VWA5A: variants seen among roughly 807,000 people sequenced by gnomAD.
The protein encoded by VWA5A is von Willebrand factor A domain-containing protein 5A.
In VWA5A, 77 loss-of-function variants were observed where a neutral mutation model predicts 84.6. The observed-to-expected ratio is 0.91, with a 90% CI of 0.76 to 1.10. VWA5A has a LOEUF of 1.10. Ranked by LOEUF, VWA5A falls within the 50% of genes least tolerant of loss-of-function variation. The pLI is 0.00. For synonymous variants in VWA5A, 334 were observed against 350.1 expected, an observed-to-expected ratio of 0.95 and a Z score of 0.51; for missense variants, 973 against 963.0, an observed-to-expected ratio of 1.01 and a Z score of -0.14.
chr11:124,118,022 C>A, intron 4 of VWA5A, 147 bp downstream of exon 4: 3 of 1,296,314 alleles, frequency 2.3e-6, no homozygotes, highest in Admixed American at 2.6e-5. Context: ...TTCTAACTGC[C>A]ATTTTTCTAA....
intron 11 of VWA5A, 147 bp from the exon 12 acceptor site, chr11:124,134,773 T>C: frequency 1.9e-6 from 1 of 526,130 alleles, no homozygotes; most frequent in Non-Finnish European, 3.3e-6. Context: ...CCTCCTAAAA[T>C]ATAGAATATG....
rs146976679 is a variant in VWA5A, at chr11:124,146,174, C to G, written c.*229C>G. On this transcript the variant is annotated 3_prime_UTR_variant, in exon 19 of 19. Coordinates refer to ENST00000456829, the MANE Select transcript of VWA5A (RefSeq NM_001130142.2). The stretch of plus-strand genomic sequence containing the variant: ...GTGACAGTGGTCCCAGAACCTATTC[C>G]CTTTCTTGAGGGAGTTCAAAACATT... 4.3e-3 allele frequency: 1,769 copies of G among 409,768 alleles called. 14 individuals are homozygous for G. The highest frequency in any genetic ancestry group is 0.033 in the African/African-American group (1,577 of 47,830). The allele number at this position is 409,768 out of a possible 1,614,324, so 25.4% of individuals were successfully genotyped here.
intron 11 of VWA5A, among the ~76,000 whole-genome samples, chr11:124,125,880 T>C (rs1865011895): frequency 6.6e-6 from 1 of 152,246 alleles, no homozygotes; most frequent in South Asian, 2.1e-4. Flanking sequence ...TTCAGTCTTT[T>C]CCTTTATGGT....
rs958747521 is a variant in VWA5A at position 124,124,296 on chromosome 11, G to A, written c.1224G>A (p.Arg408=). 5.0e-6 allele frequency: 8 copies of A among 1,614,016 alleles called. No individual in the cohort carries two copies. Among genetic ancestry groups the A allele is most frequent in the Non-Finnish European group, 6.8e-6 (8 of 1,179,988 alleles). Residue 408 remains arginine (R), a synonymous_variant, in exon 11 of 19, where the codon AGG becomes AGA. Coordinates refer to ENST00000456829, the MANE Select transcript of VWA5A (RefSeq NM_001130142.2). ...CGTTTAGTGTAATTAAAGAAGTTAG[G>A]ATCAACAGACAGAAACACAGGTAGG... ...TDTFSVIKEV[R]INRQKHRCFS...
At chr11:124,130,348 T>C (rs1865078758) in intron 11 of VWA5A, among the ~76,000 whole-genome samples, 1 of 152,190 alleles carries the variant, frequency 6.6e-6, no homozygotes, top group Non-Finnish European at 1.5e-5. Flanking sequence ...AGAGACAGTT[T>C]GTTATGATTT....
intron 17 of VWA5A, among the ~76,000 whole-genome samples, chr11:124,143,287 G>T (rs77298660): frequency 1.1e-3 from 162 of 152,266 alleles, no homozygotes; most frequent in African/African-American, 3.9e-3. Flanking sequence ...ATCTTCTAAC[G>T]CTCATTGAGA....
At position 124,123,183 on chromosome 11, in the gene VWA5A, T is replaced by G. The variant is rs1006060267; in HGVS notation, c.930+54T>G. ...TCACATGCTCAAGTGAGGATGAATC[T>G]GAGGGGTTAAATAAGGGTCTATCTG... On this transcript the variant is annotated intron_variant, in intron 8 of 18. Transcript: ENST00000456829. 1.2e-5 allele frequency: 19 copies of G among 1,578,418 alleles called. No individual in the cohort carries two copies. The Admixed American group carries it at 3.4e-4, about 28-fold the overall frequency.
At position 124,145,365 on chromosome 11, in the gene VWA5A, T is replaced by C. The variant is rs1476398848; in HGVS notation, c.2281+2T>C. On this transcript the variant is annotated splice_donor_variant, in intron 18 of 18. Transcript: ENST00000456829. LOFTEE classifies it high-confidence loss of function. ...TGGCCTGGATGCGTGCCCATGCAGG[T>C]AGGAGCACAATCCTAAGGCCTGTCT... 1 of 1,610,976 alleles carries C rather than the reference T, an allele frequency of 6.2e-7. No homozygotes were observed. The highest frequency in any genetic ancestry group is 1.7e-5 in the Admixed American group (1 of 59,874).
At chr11:124,130,807 C>T (rs995889709) in intron 11 of VWA5A, among the ~76,000 whole-genome samples, 2 of 152,038 alleles carry the variant, frequency 1.3e-5, no homozygotes, top group African/African-American at 4.8e-5. Context: ...TTAGTGAAAG[C>T]AATAAATAAA....
chr11:124,145,404 T>C lies in VWA5A; in HGVS notation c.2281+41T>C, dbSNP rs776707362. The C allele has an allele frequency of 1.9e-6, 3 of 1,567,782 alleles. No homozygotes were observed. The East Asian group carries it at 6.9e-5, about 36-fold the overall frequency. ...TAAGGCCTGTCTCCTTCCCCTTCCC[T>C]GGCCTGGCGGAAGGTGACCACAAGA... is the stretch of plus-strand genomic sequence containing the variant. On this transcript the variant is annotated intron_variant, in intron 18 of 18. Coordinates refer to ENST00000456829, the MANE Select transcript of VWA5A (RefSeq NM_001130142.2).
chr11:124,136,380 G>A, intron 13 of VWA5A, 87 bp downstream of exon 13: 1 of 1,536,704 alleles, frequency 6.5e-7, no homozygotes, highest in Non-Finnish European at 8.8e-7. Context: ...TTCAATCTCA[G>A]CCAGAGACGG....
intron 17 of VWA5A, among the ~76,000 whole-genome samples, chr11:124,144,523 T>C (rs1591368142): frequency 6.6e-6 from 1 of 152,122 alleles, no homozygotes; most frequent in East Asian, 1.9e-4. Flanking sequence ...AAGGAAGAAA[T>C]GGAGGAATTG....
rs1435320083 is a variant in VWA5A at position 124,124,623 on chromosome 11, A to G, written c.1244+307A>G. ...AGAAGTAAAACATGCTGAAAACTAC[A>G]CAAATTATAAGCATACAACTGGACT... is the stretch of plus-strand genomic sequence containing the variant. On this transcript the variant is annotated intron_variant, in intron 11 of 18. Coordinates refer to ENST00000456829, the MANE Select transcript of VWA5A (RefSeq NM_001130142.2). The G allele has an allele frequency of 5.9e-6, 6 of 1,017,582 alleles. No homozygotes were observed. The East Asian group carries it at 3.8e-4, about 65-fold the overall frequency. 63.0% of individuals were successfully genotyped at this position (1,017,582 alleles called of 1,614,324 possible).
At chr11:124,142,346 T>A in intron 16 of VWA5A, 96 bp from the exon 17 acceptor site, 1 of 1,493,134 alleles carries the variant, frequency 6.7e-7, no homozygotes, top group Non-Finnish European at 9.1e-7. Flanking sequence ...ATTCTTGCTA[T>A]GGCCTGTCTC....
rs750819008 is a variant in VWA5A at position 124,145,262 on chromosome 11, C to T, written c.2180C>T (p.Thr727Ile). 3.6e-5 allele frequency: 58 copies of T among 1,613,508 alleles called. No homozygotes were observed. The highest frequency in any genetic ancestry group is 2.0e-5 in the Non-Finnish European group (24 of 1,179,750). Residue 727 changes from threonine to isoleucine, a missense_variant, in exon 18 of 19, where the codon ACC becomes ATC. Coordinates refer to ENST00000456829, the MANE Select transcript of VWA5A (RefSeq NM_001130142.2). ...AELVDSSGWA[T>I]ILAVIWLHSN... is the part of the protein sequence containing the mutation. ...CTTGTGGATTCCTCAGGCTGGGCCA[C>T]CATCCTGGCCGTGATCTGGCTGCAC...
rs200027872 is a variant in VWA5A at position 124,134,867 on chromosome 11, A to G, written c.1245-53A>G. The G allele has an allele frequency of 1.2e-3, 1,710 of 1,408,250 alleles. 3 individuals are homozygous for G. The highest frequency in any genetic ancestry group is 1.5e-3 in the Non-Finnish European group (1,547 of 1,029,774). 87.2% of individuals were successfully genotyped at this position (1,408,250 alleles called of 1,614,324 possible). A position where few individuals can be genotyped will look rare whatever the true frequency, so the allele number is the denominator to read the frequency against. On this transcript the variant is annotated intron_variant, in intron 11 of 18. Coordinates refer to ENST00000456829, the MANE Select transcript of VWA5A (RefSeq NM_001130142.2). ...TTTTTGGCCATTATGTATTAATTTT[A>G]TATTTTCACTGTTTAATGCCTTCCT...
rs369558025 is a variant in VWA5A, at chr11:124,140,035, A to G, written c.1880-1563A>G. ...TGAATTTGTTTAATACTTTTTCTGC[A>G]TCTATTGAAATGATCATGTTTTTGT... On this transcript the variant is annotated intron_variant, in intron 15 of 18. Coordinates refer to ENST00000456829, the MANE Select transcript of VWA5A (RefSeq NM_001130142.2). Among the ~76,000 whole-genome samples, 37 of 152,260 alleles carry G rather than the reference A, an allele frequency of 2.4e-4. 1 individual carries two copies. In the South Asian group the frequency reaches 7.5e-3, roughly 31 times the overall value.
In VWA5A at chr11:124,123,011, C is replaced by G. The variant is rs750210264; in HGVS notation, c.812C>G (p.Pro271Arg). The G allele has an allele frequency of 6.2e-7, 1 of 1,614,106 alleles. No homozygotes were observed. Among genetic ancestry groups the G allele is most frequent in the Admixed American group, 1.7e-5 (1 of 60,022 alleles). ...SAMVSFYPNI[P>R]EDQPSNTCGE... ...ATGGTGAGTTTCTATCCAAATATCC[C>G]AGAAGATCAACCATCAAATACCTGT... The change falls in exon 8 of 19, where the codon CCA becomes CGA. Residue 271 changes from proline to arginine, a missense_variant. By Grantham distance (103) the Pro-to-Arg change is moderately radical (BLOSUM62 -2). Transcript: ENST00000456829.
At chr11:124,128,061 G>T (rs527840625) in intron 11 of VWA5A, among the ~76,000 whole-genome samples, 1 of 152,166 alleles carries the variant, frequency 6.6e-6, no homozygotes, top group Non-Finnish European at 1.5e-5. Context: ...CATTGCTTTT[G>T]GTGTTTTAGT....
Sources: gnomAD v4.1 joint callset for allele counts (sites outside exome capture counted in the v4.1 genomes callset) on GRCh38, gnomAD v4.1.1 for gene constraint, MANE v1.5 for transcripts, NCBI Gene and HGNC (gene_info 2026-07-23, HGNC 2026-07-21) for gene names.